The following NPFFR1 variants were observed in gnomAD, a reference collection of about 807,000 sequenced individuals.
NPFFR1 encodes G-protein coupled receptor 147.
A neutral mutation model predicts 12.7 loss-of-function variants in NPFFR1; 17 were observed. The observed-to-expected ratio is 1.34, with a 90% CI of 0.92 to 2.01. NPFFR1 has a LOEUF of 2.01. NPFFR1 is among the 30% of genes most tolerant of loss of function. The probability of loss-of-function intolerance (pLI) is 0.00; values close to 1 mark genes in which losing one functional copy is unlikely to be tolerated. For missense variants in NPFFR1, 604 were observed against 606.5 expected, an observed-to-expected ratio of 1.00 and a Z score of 0.04; for synonymous variants, 296 against 264.5, an observed-to-expected ratio of 1.12 and a Z score of -1.16.
intron 1 of NPFFR1, among the ~76,000 whole-genome samples, chr10:70,271,471 C>T (rs964958546): frequency 2.0e-5 from 3 of 152,100 alleles, no homozygotes; most frequent in African/African-American, 4.8e-5. Context: ...TATGATTACA[C>T]CACTGCACTC....
Position 70,255,933 on chromosome 10 carries a change from C to A in NPFFR1, c.423-106G>T. ...CTGACCTTCATCATCGCATCTAGGG[C>A]GGCGTCGAAGAACAGCTCAGACCTG... is the stretch of plus-strand genomic sequence containing the variant. On this transcript the variant is annotated intron_variant, in intron 3 of 3. Transcript: ENST00000277942. This position sits in a 1 kb window ranked among gnomAD's most constrained non-coding sequence, Gnocchi z 4.2. 4.7e-6 allele frequency: 6 copies of A among 1,284,010 alleles called. No individual in the cohort carries two copies. The highest frequency in any genetic ancestry group is 4.4e-5 in the South Asian group (3 of 68,594). The allele number at this position is 1,284,010 out of a possible 1,614,324, so 79.5% of individuals were successfully genotyped here.
chr10:70,279,657 C>T (rs971192478), intron 1 of NPFFR1, among the ~76,000 whole-genome samples: 2 of 152,086 alleles, frequency 1.3e-5, no homozygotes, highest in African/African-American at 4.8e-5. Context: ...GATGGGGTTT[C>T]ACCATGTTGG....
intron 1 of NPFFR1, among the ~76,000 whole-genome samples, chr10:70,272,643 G>A (rs1271505424): frequency 3.3e-5 from 5 of 152,204 alleles, no homozygotes; most frequent in Non-Finnish European, 7.3e-5. Flanking sequence ...TAAACTTTTC[G>A]TCAAACAGAT....
rs1840506675 is a variant in NPFFR1 at position 70,251,111 on chromosome 10, C to T, written c.*3846G>A. ...AACAAGGAATGTATTGTTCATTCAA[C>T]ATTGTTCATTGTAATGAAGCCCATT... On this transcript the variant is annotated 3_prime_UTR_variant, in exon 4 of 4. Coordinates refer to ENST00000277942, the MANE Select transcript of NPFFR1 (RefSeq NM_022146.5). 6.6e-6 allele frequency: 1 copy of T among 152,170 alleles called. No homozygotes were observed. The highest frequency in any genetic ancestry group is 2.1e-4 in the South Asian group (1 of 4,830). The allele number at this position is 152,170 out of a possible 1,614,324, so 9.4% of individuals were successfully genotyped here.
At chr10:70,256,363 T>C (rs950799989) in intron 3 of NPFFR1, among the ~76,000 whole-genome samples, 1 of 152,246 alleles carries the variant, frequency 6.6e-6, no homozygotes, top group Admixed American at 6.5e-5. Context: ...ATTATAGATA[T>C]GAGCCTCCTT....
chr10:70,271,107 A>G (rs1840739843), intron 1 of NPFFR1, among the ~76,000 whole-genome samples: 2 of 152,332 alleles, frequency 1.3e-5, no homozygotes, highest in Non-Finnish European at 2.9e-5. Flanking sequence ...AGAACCACAG[A>G]ATTAAAAGCC....
At chr10:70,276,159 C>T (rs1840802600) in intron 1 of NPFFR1, among the ~76,000 whole-genome samples, 2 of 152,220 alleles carry the variant, frequency 1.3e-5, no homozygotes, top group South Asian at 4.1e-4. Flanking sequence ...AAAGCTGACA[C>T]TTTATGAACA....
chr10:70,261,982 T>C (rs1840640283), intron 2 of NPFFR1, among the ~76,000 whole-genome samples: 2 of 152,158 alleles, frequency 1.3e-5, no homozygotes. Context: ...ACCCTTCATG[T>C]GAGAAAAAAG....
rs368020444 is a variant in NPFFR1 at position 70,255,361 on chromosome 10, G to T, written c.889C>A (p.Gln297Lys). 571 of 1,558,536 alleles carry T rather than the reference G, an allele frequency of 3.7e-4. No individual in the cohort carries two copies. Among genetic ancestry groups the T allele is most frequent in the Non-Finnish European group, 4.7e-4 (543 of 1,155,888 alleles). The change falls in exon 4 of 4, where the codon CAG becomes AAG. Residue 297 changes from glutamine (Q) to lysine (K), a missense_variant. By Grantham distance (53) the Gln-to-Lys change is moderately conservative. Transcript: ENST00000277942. This position sits in a 1 kb window ranked among gnomAD's most constrained non-coding sequence, Gnocchi z 4.2. ...AGGTGCAGCTGCGGCGCGCTGAGCT[G>T]CCCGTAGTCGATGAGCAGCAGCAGC... ...WALLLLIDYG[Q>K]LSAPQLHLVT... is the part of the protein sequence containing the mutation.
chr10:70,255,477 T>C lies in NPFFR1; in HGVS notation c.773A>G (p.Asp258Gly), dbSNP rs752899191. Reference protein sequence around the residue: ...GPAPGGEEAADPRASRRRARV... With the variant: ...GPAPGGEEAAGPRASRRRARV... ...CGCTCTGCGCCGCGATGCTCGCGGG[T>C]CCGCAGCCTCCTCGCCCCCGGGGGC... Residue 258 changes from aspartate to glycine, a missense_variant, in exon 4 of 4, where the codon GAC (aspartate) becomes GGC (glycine). By Grantham distance (94) the Asp-to-Gly change is moderately conservative. Coordinates refer to ENST00000277942, the MANE Select transcript of NPFFR1 (RefSeq NM_022146.5). This position sits in a 1 kb window ranked among gnomAD's most constrained non-coding sequence, Gnocchi z 4.2. 5.2e-6 allele frequency: 8 copies of C among 1,547,248 alleles called. No homozygotes were observed. In the South Asian group the frequency reaches 7.2e-5, roughly 14 times the overall value.
In NPFFR1 at chr10:70,249,999, C is replaced by T. The variant is rs1193284598; in HGVS notation, c.*4958G>A. On this transcript the variant is annotated 3_prime_UTR_variant, in exon 4 of 4. Transcript: ENST00000277942. The stretch of plus-strand genomic sequence containing the variant: ...AATTTTGGCTCACTGCATCCTCTGC[C>T]TCCTAGGTTCAAGTGATTCTCGTGT... 1 of 150,926 alleles carries T rather than the reference C, an allele frequency of 6.6e-6. No individual in the cohort carries two copies. Among genetic ancestry groups the T allele is most frequent in the Non-Finnish European group, 1.5e-5 (1 of 67,890 alleles). The allele number at this position is 150,926 out of a possible 1,614,324, so 9.3% of individuals were successfully genotyped here.
chr10:70,283,042 G>C (rs886161565), intron 1 of NPFFR1, among the ~76,000 whole-genome samples: 3 of 152,078 alleles, frequency 2.0e-5, no homozygotes, highest in African/African-American at 7.2e-5. Flanking sequence ...GAAGCTAATA[G>C]CCAAGCTGTC....
rs10999240 is a variant in NPFFR1, at chr10:70,283,836, G to A, written c.-160C>T. Among the ~76,000 whole-genome samples, 38,738 of 152,170 alleles carry A rather than the reference G, an allele frequency of 0.25. 6,133 individuals are homozygous for A. Among genetic ancestry groups the A allele is most frequent in the South Asian group, 0.43 (2,100 of 4,828 alleles). ...GTCGGTCCGGGCAGAGGTGAGCAGG[G>A]GGCGTGCGCTCCCAGGCCCCGGGCC... On this transcript the variant is annotated 5_prime_UTR_variant, in exon 1 of 4. Transcript: ENST00000277942.
chr10:70,270,414 G>A (rs866262128), intron 1 of NPFFR1, among the ~76,000 whole-genome samples: 2 of 151,948 alleles, frequency 1.3e-5, no homozygotes, highest in African/African-American at 2.4e-5. Context: ...TCCCATGACT[G>A]GGGGGATCTG....
chr10:70,255,241 G>T lies in NPFFR1; in HGVS notation c.1009C>A (p.Arg337Ser). 6.4e-7 allele frequency: 1 copy of T among 1,559,132 alleles called. No homozygotes were observed. ...CGGAAGGCGGCCTGGAAGCCGCGGC[G>T]GAAGTTCTCGTTGAAGTAGCCGTAG... Reference protein sequence around the residue: ...IIYGYFNENFRRGFQAAFRAR... With the variant: ...IIYGYFNENFSRGFQAAFRAR... The change falls in exon 4 of 4, where the codon CGC becomes AGC. Residue 337 changes from arginine to serine, a missense_variant. Transcript: ENST00000277942. This position sits in a 1 kb window ranked among gnomAD's most constrained non-coding sequence, Gnocchi z 4.2.
chr10:70,277,103 T>TGCCATCAGACAGATC (rs1840812294), intron 1 of NPFFR1, among the ~76,000 whole-genome samples: 1 of 152,240 alleles, frequency 6.6e-6, no homozygotes, highest in African/African-American at 2.4e-5. Flanking sequence ...CAGGACAGAT[T>TGCCATCAGACAGATC]GTCATCAGAC....
In NPFFR1 at chr10:70,252,063, T is replaced by C. The variant is rs1298352538; in HGVS notation, c.*2894A>G. ...CTCAGGATTCACACAGGCACTATTG[T>C]CAGGAACTACTTCTAGCATCTAAAA... On this transcript the variant is annotated 3_prime_UTR_variant, in exon 4 of 4. Transcript: ENST00000277942. 1 of 152,194 alleles carries C rather than the reference T, an allele frequency of 6.6e-6. No individual in the cohort carries two copies. Among genetic ancestry groups the C allele is most frequent in the East Asian group, 1.9e-4 (1 of 5,198 alleles). 9.4% of individuals were successfully genotyped at this position (152,194 alleles called of 1,614,324 possible).
intron 1 of NPFFR1, among the ~76,000 whole-genome samples, chr10:70,279,426 C>T (rs970407250): frequency 1.3e-5 from 2 of 151,942 alleles, no homozygotes; most frequent in African/African-American, 2.4e-5. Context: ...GAATTAGAGG[C>T]GTGAGCCACT....
chr10:70,269,289 C>A (rs1220782152), intron 1 of NPFFR1, among the ~76,000 whole-genome samples: 1 of 149,558 alleles, frequency 6.7e-6, no homozygotes, highest in African/African-American at 2.5e-5. Context: ...CCTGAGTAGC[C>A]GGGACTACAG....
Sources: gnomAD v4.1 joint callset for allele counts (sites outside exome capture counted in the v4.1 genomes callset) on GRCh38, gnomAD v4.1.1 for gene constraint, Gnocchi (gnomAD v3.1) non-coding constraint, MANE v1.5 for transcripts, NCBI Gene and HGNC (gene_info 2026-07-23, HGNC 2026-07-21) for gene names.